SMG9: variants seen among roughly 807,000 people sequenced by gnomAD.
SMG9 encodes the protein SMG9 nonsense mediated mRNA decay factor.
In SMG9, 55 loss-of-function variants were observed where a neutral mutation model predicts 64.0. That is an observed-to-expected ratio of 0.86 (90% CI 0.69 to 1.08). The LOEUF (loss-of-function observed/expected upper bound fraction) is 1.08, where lower values mean the gene tolerates loss of function less well. Among genes scored for constraint, SMG9 ranks in the 50% least tolerant of loss-of-function variants. The probability of loss-of-function intolerance (pLI) is 0.00; values close to 1 mark genes in which losing one functional copy is unlikely to be tolerated. For missense variants in SMG9, 554 were observed against 681.3 expected, an observed-to-expected ratio of 0.81 and a Z score of 2.08; for synonymous variants, 244 against 254.8, an observed-to-expected ratio of 0.96 and a Z score of 0.41.
intron 7 of SMG9, among the ~76,000 whole-genome samples, chr19:43,738,592 T>A (rs949649772): frequency 2.6e-5 from 4 of 151,998 alleles, no homozygotes; most frequent in Non-Finnish European, 5.9e-5. Flanking sequence ...GTGTGAAAAC[T>A]GGTGAGAATT....
chr19:43,747,647 G>A lies in SMG9; in HGVS notation c.476C>T (p.Pro159Leu), dbSNP rs757373369. 18 of 1,613,720 alleles carry A rather than the reference G, an allele frequency of 1.1e-5. No individual in the cohort carries two copies. Among genetic ancestry groups the A allele is most frequent in the Non-Finnish European group, 1.4e-5 (17 of 1,179,814 alleles). ...IQNRGMGTAA[P>L]AAMDPVVGQA... is the part of the protein sequence containing the mutation. ...CCCCAACTCACGGTCCATGGCTGCT[G>A]GTGCGGCAGTGCCCATGCCCCGGTT... The change falls in exon 4 of 14, where the codon CCA (proline) becomes CTA (leucine). Residue 159 changes from proline to leucine, a missense_variant. Physicochemically the swap from Pro to Leu is moderately conservative, Grantham distance 98. Coordinates refer to ENST00000270066, the MANE Select transcript of SMG9 (RefSeq NM_019108.4).
intron 8 of SMG9, 95 bp from the exon 9 acceptor site, chr19:43,737,777 G>C: frequency 8.0e-7 from 1 of 1,251,026 alleles, no homozygotes; most frequent in South Asian, 1.4e-5. Context: ...GAGGCAGCAA[G>C]GCAAGGAGCC....
At chr19:43,746,393 G>C (rs1040853866) in intron 5 of SMG9, among the ~76,000 whole-genome samples, 1 of 152,188 alleles carries the variant, frequency 6.6e-6, no homozygotes, top group Non-Finnish European at 1.5e-5. Context: ...ATACTGGACG[G>C]ATAGTTCAAA....
intron 9 of SMG9, among the ~76,000 whole-genome samples, chr19:43,735,477 G>A (rs989746760): frequency 6.6e-6 from 1 of 151,932 alleles, no homozygotes; most frequent in Non-Finnish European, 1.5e-5. Flanking sequence ...AAATAGCCGG[G>A]CATGGTGGCA....
Position 43,730,297 on chromosome 19 carries a change from T to A in SMG9, c.*1299A>T, listed in dbSNP as rs960929244. ...AGACATACTTTGGGAAACCTCAAAC[T>A]AAGATCATGTACTGTATTTAACTGA... On this transcript the variant is annotated 3_prime_UTR_variant, in exon 14 of 14. Coordinates refer to ENST00000270066, the MANE Select transcript of SMG9 (RefSeq NM_019108.4). The A allele has an allele frequency of 6.6e-6, 1 of 152,188 alleles. No homozygotes were observed. Among genetic ancestry groups the A allele is most frequent in the Non-Finnish European group, 1.5e-5 (1 of 68,056 alleles). The allele number at this position is 152,188 out of a possible 1,614,324, so 9.4% of individuals were successfully genotyped here. A position where few individuals can be genotyped will look rare whatever the true frequency, so the allele number is the denominator to read the frequency against.
chr19:43,732,897 C>T lies in SMG9; in HGVS notation c.1445G>A (p.Arg482Gln), dbSNP rs777451698. ...KLRSQVMSMA[R>Q]PQLSHTILTE... is the part of the protein sequence containing the mutation. ...GAGGATCGTGTGTGACAGCTGTGGCCGGGCCATGGACATCACTTGGCTCCG... is the reference window on the plus strand; with the variant it reads ...GAGGATCGTGTGTGACAGCTGTGGCTGGGCCATGGACATCACTTGGCTCCG... Residue 482 changes from arginine (R) to glutamine (Q), a missense_variant, in exon 13 of 14, where the codon CGG (arginine) becomes CAG (glutamine). Coordinates refer to ENST00000270066, the MANE Select transcript of SMG9 (RefSeq NM_019108.4). 7 of 1,613,882 alleles carry T rather than the reference C, an allele frequency of 4.3e-6. No homozygotes were observed. The highest frequency in any genetic ancestry group is 5.9e-6 in the Non-Finnish European group (7 of 1,180,002).
intron 7 of SMG9, 109 bp from the exon 8 acceptor site, chr19:43,738,326 C>T (rs931515107): frequency 2.6e-5 from 24 of 933,798 alleles, no homozygotes; most frequent in Middle Eastern, 2.2e-4. Flanking sequence ...CAAAGGCAGG[C>T]AATTTCTAAT....
chr19:43,737,984 T>TTCC, intron 8 of SMG9, 138 bp downstream of exon 8: 2 of 825,224 alleles, frequency 2.4e-6, no homozygotes, highest in East Asian at 5.3e-5. Flanking sequence ...TGTTGTCCTC[T>TTCC]TCCTATAGCC....
chr19:43,730,706 G>C lies in SMG9; in HGVS notation c.*890C>G, dbSNP rs946852842. The C allele has an allele frequency of 1.3e-5, 2 of 152,154 alleles. No individual in the cohort carries two copies. Among genetic ancestry groups the C allele is most frequent in the Admixed American group, 1.3e-4 (2 of 15,264 alleles). 9.4% of individuals were successfully genotyped at this position (152,154 alleles called of 1,614,324 possible). On this transcript the variant is annotated 3_prime_UTR_variant, in exon 14 of 14. Coordinates refer to ENST00000270066, the MANE Select transcript of SMG9 (RefSeq NM_019108.4). ...AGCCTCCCAAGTAGCTAGGATTACA[G>C]GCGTGCGCCACCACGCCCAGCTAAT... is the stretch of plus-strand genomic sequence containing the variant.
chr19:43,745,220 G>A (rs1454461856), intron 5 of SMG9, among the ~76,000 whole-genome samples: 5 of 152,232 alleles, frequency 3.3e-5, no homozygotes, highest in African/African-American at 1.2e-4. Flanking sequence ...GAGAGTCACA[G>A]GAACAGAAGG....
At position 43,750,594 on chromosome 19, in the gene SMG9, TTC is replaced by T. The variant is rs765750774; in HGVS notation, c.146_147del (p.Arg49LysfsTer71). On this transcript the variant is annotated frameshift_variant, in exon 2 of 14. Transcript: ENST00000270066. LOFTEE classifies it high-confidence loss of function. ...TGCTCCTGGGTCCAGACACTCACCC[TTC>T]TCTCTCTTTCCCATGGTGCAATGTA... ...RDYIAPWERERRDASEETSTS... is the reference protein window; with the variant it reads ...RDYIAPWEREXRDASEETSTS... 13 of 1,609,964 alleles carry T rather than the reference TTC, an allele frequency of 8.1e-6. No homozygotes were observed. The highest frequency in any genetic ancestry group is 1.1e-5 in the Non-Finnish European group (13 of 1,177,812).
chr19:43,733,741 TG>T lies in SMG9; in HGVS notation c.1103-9del, dbSNP rs1467289261. On this transcript the variant is annotated splice_polypyrimidine_tract_variant and intron_variant, in intron 10 of 13. Transcript: ENST00000270066. ...CTTTGTTCTGCAAGAAGACTGAGGG[TG>T]GGAAGAGACGGGCCCTGTCAGGCAG... 2.5e-6 allele frequency: 4 copies of T among 1,612,514 alleles called. No homozygotes were observed. The highest frequency in any genetic ancestry group is 3.4e-6 in the Non-Finnish European group (4 of 1,178,798).
Position 43,731,614 on chromosome 19 carries a change from G to A in SMG9, c.1545C>T (p.Tyr515=), listed in dbSNP as rs551500346. 1.2e-6 allele frequency: 2 copies of A among 1,614,244 alleles called. No individual in the cohort carries two copies. The highest frequency in any genetic ancestry group is 2.7e-5 in the African/African-American group (2 of 75,076). ...CTTGGCCTCAGGCCAGCAGGCGGCT[G>A]TACTCTGCCAGAGCAGAGGACTTTC... The part of the protein sequence containing the change: ...GVRKSSALAE[Y]SRLLA Residue 515 remains tyrosine (Y), a synonymous_variant, in exon 14 of 14, where the codon TAC becomes TAT. Coordinates refer to ENST00000270066, the MANE Select transcript of SMG9 (RefSeq NM_019108.4).
chr19:43,750,115 A>C (rs1969148815), intron 2 of SMG9: 3 of 520,142 alleles, frequency 5.8e-6, no homozygotes, highest in East Asian at 5.4e-5. Context: ...CTCAGCTCAA[A>C]CTCTCCAATG....
intron 9 of SMG9, 174 bp from the exon 10 acceptor site, chr19:43,734,669 T>C (rs1968600805): frequency 3.7e-6 from 2 of 540,924 alleles, no homozygotes; most frequent in East Asian, 5.7e-5. Context: ...TCCTCTCAGA[T>C]ACCAACCCAT....
chr19:43,749,118 T>G (rs1363927161), intron 2 of SMG9, among the ~76,000 whole-genome samples: 1 of 152,154 alleles, frequency 6.6e-6, no homozygotes, highest in South Asian at 2.1e-4. Flanking sequence ...CTCAAAACAT[T>G]TGGAATTTTG....
intron 13 of SMG9, 35 bp downstream of exon 13, chr19:43,732,823 G>A (rs772730618): frequency 2.0e-5 from 32 of 1,612,866 alleles, no homozygotes; most frequent in Non-Finnish European, 1.9e-5. Context: ...AGGGTGGGGT[G>A]CCTCAAATTG....
intron 10 of SMG9, 23 bp downstream of exon 10, chr19:43,734,366 C>G: frequency 1.9e-6 from 3 of 1,538,504 alleles, no homozygotes; most frequent in Non-Finnish European, 2.6e-6. Flanking sequence ...GCCCACCCCT[C>G]CAGTCCCCAG....
chr19:43,745,084 C>T (rs568343587), intron 5 of SMG9, among the ~76,000 whole-genome samples, 200 bp from the exon 6 acceptor site: 4 of 152,326 alleles, frequency 2.6e-5, no homozygotes, highest in African/African-American at 7.2e-5. Context: ...GTTTTAGACA[C>T]AAACAACAGT....
Sources: allele counts gnomAD v4.1 joint callset (sites outside exome capture counted in the v4.1 genomes callset), GRCh38; gene constraint gnomAD v4.1.1; transcripts MANE v1.5; gene names NCBI Gene and HGNC (gene_info 2026-07-23, HGNC 2026-07-21).